Variants in TAS2R1 observed in about 807,000 individuals in gnomAD.
TAS2R1 encodes taste receptor type 2 member 1.
For missense variants in TAS2R1, 370 were observed against 353.4 expected, an observed-to-expected ratio of 1.05 and a Z score of -0.38; for synonymous variants, 141 against 134.2, an observed-to-expected ratio of 1.05 and a Z score of -0.35.
At chr5:9,719,552 T>C in the TAS2R1 span, among the ~76,000 whole-genome samples, 1 of 152,160 alleles carries the variant, frequency 6.6e-6, no homozygotes, top group African/African-American at 2.4e-5. Flanking sequence ...AAATGGGACA[T>C]CCAACAGGAC....
At chr5:9,880,988 T>C in the TAS2R1 span, among the ~76,000 whole-genome samples, 1 of 152,066 alleles carries the variant, frequency 6.6e-6, no homozygotes, top group East Asian at 1.9e-4. Context: ...ACTGAGCCCC[T>C]GGGGAGGAGG....
chr5:9,876,213 G>A, the TAS2R1 span, among the ~76,000 whole-genome samples: 185 of 150,906 alleles, frequency 1.2e-3, no homozygotes, highest in African/African-American at 4.5e-3. Flanking sequence ...ACAACAAATG[G>A]AGGAGGAAAG....
At chr5:9,635,666 T>G (rs1474955561) in intron 2 of TAS2R1, among the ~76,000 whole-genome samples, 1 of 151,970 alleles carries the variant, frequency 6.6e-6, no homozygotes, top group Non-Finnish European at 1.5e-5. Context: ...TCTTCCTGAC[T>G]TAAGCTGGAG....
the TAS2R1 span, among the ~76,000 whole-genome samples, chr5:9,850,793 T>A: frequency 6.6e-6 from 1 of 152,222 alleles, no homozygotes; most frequent in Admixed American, 6.5e-5. Flanking sequence ...TTGTCTCTCA[T>A]ACATGGTATC....
chr5:9,747,090 T>C, the TAS2R1 span, among the ~76,000 whole-genome samples: 1 of 152,124 alleles, frequency 6.6e-6, no homozygotes, highest in Non-Finnish European at 1.5e-5. Context: ...CAGGAGAATT[T>C]AGTGTTATGA....
At chr5:9,690,760 G>A (rs1448271223) in intron 1 of TAS2R1, among the ~76,000 whole-genome samples, 5 of 151,888 alleles carry the variant, frequency 3.3e-5, no homozygotes, top group Non-Finnish European at 7.4e-5. Context: ...ACGAAATAAG[G>A]GGCAACAGTT....
intron 1 of TAS2R1, among the ~76,000 whole-genome samples, chr5:9,669,619 A>G (rs575784679): frequency 6.6e-6 from 1 of 152,318 alleles, no homozygotes; most frequent in East Asian, 1.9e-4. Flanking sequence ...ACTGAAACCC[A>G]TACAATTACA....
At chr5:9,651,438 C>T (rs1740303616) in intron 2 of TAS2R1, among the ~76,000 whole-genome samples, 1 of 152,058 alleles carries the variant, frequency 6.6e-6, no homozygotes, top group African/African-American at 2.4e-5. Flanking sequence ...GTGACATAGT[C>T]CAATAATATG....
At chr5:9,791,524 C>G in the TAS2R1 span, among the ~76,000 whole-genome samples, 2 of 152,066 alleles carry the variant, frequency 1.3e-5, no homozygotes, top group South Asian at 4.1e-4. Context: ...CACAGTGAAA[C>G]CCCATCTCTA....
chr5:9,854,266 T>G, the TAS2R1 span: 1 of 152,082 alleles, frequency 6.6e-6, no homozygotes, highest in Non-Finnish European at 1.5e-5. Context: ...AATTCCTTTT[T>G]TTTTTTTTAA....
At chr5:9,815,216 A>AGGGG in the TAS2R1 span, among the ~76,000 whole-genome samples, 1 of 152,250 alleles carries the variant, frequency 6.6e-6, no homozygotes. Context: ...CCAGATTAAG[A>AGGGG]TAGCCAGCAG....
chr5:9,853,637 A>C, the TAS2R1 span, among the ~76,000 whole-genome samples: 1 of 152,248 alleles, frequency 6.6e-6, no homozygotes, highest in East Asian at 1.9e-4. Flanking sequence ...CTACCTCAAC[A>C]TGACTGTATC....
chr5:9,745,518 T>C, the TAS2R1 span, among the ~76,000 whole-genome samples: 58 of 152,230 alleles, frequency 3.8e-4, no homozygotes, highest in African/African-American at 1.3e-3. Context: ...CTTCAAACTA[T>C]ACTACAAGCC....
the TAS2R1 span, among the ~76,000 whole-genome samples, chr5:9,842,596 T>A: frequency 6.6e-6 from 1 of 152,164 alleles, no homozygotes; most frequent in African/African-American, 2.4e-5. Context: ...GAGCTGGGAT[T>A]ACAGGCATGA....
the TAS2R1 span, among the ~76,000 whole-genome samples, chr5:9,813,109 C>T: frequency 6.6e-6 from 1 of 152,020 alleles, no homozygotes; most frequent in Non-Finnish European, 1.5e-5. Context: ...AGGACCTTAT[C>T]TAATATGACT....
At chr5:9,799,787 G>T in the TAS2R1 span, among the ~76,000 whole-genome samples, 1 of 152,200 alleles carries the variant, frequency 6.6e-6, no homozygotes, top group Non-Finnish European at 1.5e-5. Context: ...AATCCTGAGG[G>T]CTGTCACAGC....
At chr5:9,681,146 G>GA (rs1396304426) in intron 1 of TAS2R1, among the ~76,000 whole-genome samples, 2 of 151,952 alleles carry the variant, frequency 1.3e-5, no homozygotes, top group African/African-American at 2.4e-5. Context: ...TCTTGGACCA[G>GA]AAAAAGGACA....
At chr5:9,737,966 C>A in the TAS2R1 span, among the ~76,000 whole-genome samples, 1 of 152,156 alleles carries the variant, frequency 6.6e-6, no homozygotes, top group African/African-American at 2.4e-5. Context: ...AGGGAGGGTG[C>A]ATTTTGAGGA....
rs764018861 is a variant in TAS2R1, at chr5:9,629,312, A to C, written c.721T>G (p.Cys241Gly). The C allele has an allele frequency of 1.2e-4, 199 of 1,613,530 alleles. 1 individual carries two copies. The highest frequency in any genetic ancestry group is 1.6e-4 in the Non-Finnish European group (189 of 1,179,862). ...LSFLILYFSHCMIKVFLSSLK... is the reference protein window; with the variant it reads ...LSFLILYFSHGMIKVFLSSLK... The stretch of plus-strand genomic sequence containing the variant: ...GAAGAGAGAAAAACTTTTATCATGC[A>C]GTGGGAGAAGTAGAGGATCAGGAAG... The change falls in exon 1 of 1, where the codon TGC becomes GGC. Residue 241 changes from cysteine (C) to glycine (G), a missense_variant. Transcript: ENST00000382492.
Sources: allele counts gnomAD v4.1 joint callset (sites outside exome capture counted in the v4.1 genomes callset), GRCh38; gene constraint gnomAD v4.1.1; transcripts MANE v1.5; gene names NCBI Gene and HGNC (gene_info 2026-07-23, HGNC 2026-07-21).